SKIL: variants seen among roughly 807,000 people sequenced by gnomAD.
SKIL encodes SKI like proto-oncogene.
SKIL carries 20 observed loss-of-function variants against 69.6 expected under a neutral mutation model. That is an observed-to-expected ratio of 0.29 (90% confidence interval 0.20 to 0.42). SKIL has a LOEUF of 0.42. SKIL is among the 10% of genes least tolerant of loss of function. The pLI, the probability that SKIL is intolerant of heterozygous loss-of-function variation, is 1.00. For synonymous variants in SKIL, 310 were observed against 279.9 expected (o/e 1.11, Z -1.08); for missense variants, 745 against 783.1 (o/e 0.95, Z 0.58).
At chr3:170,380,327 C>CT (rs1737270091) in intron 2 of SKIL, among the ~76,000 whole-genome samples, 3 of 152,060 alleles carry the variant, frequency 2.0e-5, no homozygotes, top group Admixed American at 1.3e-4. Flanking sequence ...AGTGCTATAC[C>CT]TTTATAGAGT....
intron 4 of SKIL, among the ~76,000 whole-genome samples, chr3:170,386,426 G>T (rs976768801): frequency 6.6e-6 from 1 of 152,084 alleles, no homozygotes; most frequent in African/African-American, 2.4e-5. Flanking sequence ...CATCGCGCCC[G>T]GCCAGGGGTT....
intron 2 of SKIL, among the ~76,000 whole-genome samples, chr3:170,362,283 A>G (rs990619145): frequency 6.6e-6 from 1 of 152,202 alleles, no homozygotes; most frequent in African/African-American, 2.4e-5. Flanking sequence ...TAGGTGGATC[A>G]CCTGAGGTCA....
chr3:170,377,428 A>G (rs1737085966), intron 2 of SKIL, among the ~76,000 whole-genome samples: 1 of 144,740 alleles, frequency 6.9e-6, no homozygotes, highest in Non-Finnish European at 1.5e-5. Context: ...CCACATTTAC[A>G]TATCATGTAG....
rs762154128 is a variant in SKIL at position 170,367,342 on chromosome 3, C to T, written c.1098+5913C>T. 5.6e-4 allele frequency among the ~76,000 whole-genome samples: 85 copies of T among 152,208 alleles called. 1 individual carries two copies. Among genetic ancestry groups the T allele is most frequent in the African/African-American group, 1.5e-3 (61 of 41,514 alleles). Reference sequence around the variant, plus strand: ...AGCCAGGATGGTCTCGATCTCCTGACGTCGTCATCCTCCCAAAGTGCTAGG... The same window carrying T: ...AGCCAGGATGGTCTCGATCTCCTGATGTCGTCATCCTCCCAAAGTGCTAGG... On this transcript the variant is annotated intron_variant, in intron 2 of 6. Transcript: ENST00000259119.
At position 170,392,442 on chromosome 3, in the gene SKIL, G is replaced by T. The variant is rs1236244923; in HGVS notation, c.*25G>T. On this transcript the variant is annotated 3_prime_UTR_variant, in exon 7 of 7. Coordinates refer to ENST00000259119, the MANE Select transcript of SKIL (RefSeq NM_005414.5). ...GAAACTGTTAAAGAGATTCATCTGT[G>T]TATTACTGACAAGGTTTTTTTTGTT... 1 of 1,495,866 alleles carries T rather than the reference G, an allele frequency of 6.7e-7. No homozygotes were observed. The highest frequency in any genetic ancestry group is 1.4e-5 in the African/African-American group (1 of 70,904). The allele number at this position is 1,495,866 out of a possible 1,614,324, so 92.7% of individuals were successfully genotyped here. A position where few individuals can be genotyped will look rare whatever the true frequency, so the allele number is the denominator to read the frequency against.
At chr3:170,366,213 G>A (rs933052010) in intron 2 of SKIL, among the ~76,000 whole-genome samples, 4 of 151,792 alleles carry the variant, frequency 2.6e-5, no homozygotes, top group African/African-American at 4.8e-5. Flanking sequence ...AACTCAGTAA[G>A]TTGTTCGAAA....
At chr3:170,372,389 C>T (rs964749534) in intron 2 of SKIL, among the ~76,000 whole-genome samples, 2 of 152,174 alleles carry the variant, frequency 1.3e-5, no homozygotes, top group East Asian at 1.9e-4. Context: ...TGCTGTGACT[C>T]CTGACGATCT....
At chr3:170,386,350 G>A (rs2108220691) in intron 4 of SKIL, among the ~76,000 whole-genome samples, 1 of 151,602 alleles carries the variant, frequency 6.6e-6, no homozygotes, top group East Asian at 1.9e-4. Flanking sequence ...GTCTGGTCTC[G>A]AACTCCTGAC....
At chr3:170,378,553 C>CTCTTTTTTTTT (rs1553853891) in intron 2 of SKIL, among the ~76,000 whole-genome samples, 1 of 118,996 alleles carries the variant, frequency 8.4e-6, no homozygotes, top group Non-Finnish European at 1.7e-5. Flanking sequence ...CTCTCTCTCT[C>CTCTTTTTTTTT]TTTTTTTTTT....
At chr3:170,358,493 G>A (rs1214470433) in intron 1 of SKIL, 1 of 152,792 alleles carries the variant, frequency 6.5e-6, no homozygotes, top group Non-Finnish European at 1.5e-5. Flanking sequence ...TGAGTGGGCG[G>A]AGGACTTCAG....
chr3:170,387,933 CAAAAAAAAAAA>C (rs541166783), intron 4 of SKIL, among the ~76,000 whole-genome samples: 8 of 51,088 alleles, frequency 1.6e-4, no homozygotes, highest in African/African-American at 5.6e-4. Flanking sequence ...GACTCCGTCT[CAAAAAAAAAAA>C]AAAAAAAAAA....
intron 2 of SKIL, among the ~76,000 whole-genome samples, chr3:170,366,614 A>G (rs867181961): frequency 1.3e-5 from 2 of 152,030 alleles, no homozygotes; most frequent in Non-Finnish European, 2.9e-5. Flanking sequence ...TGGAGGTTTC[A>G]GTGAGCCGAG....
At position 170,392,569 on chromosome 3, in the gene SKIL, T is replaced by G. The variant is rs1737979479; in HGVS notation, c.*152T>G. 4.5e-6 allele frequency: 2 copies of G among 445,450 alleles called. No individual in the cohort carries two copies. Among genetic ancestry groups the G allele is most frequent in the Non-Finnish European group, 8.1e-6 (2 of 248,410 alleles). The allele number at this position is 445,450 out of a possible 1,614,324, so 27.6% of individuals were successfully genotyped here. A position where few individuals can be genotyped will look rare whatever the true frequency, so the allele number is the denominator to read the frequency against. ...TCAGAGAAAGTGAAGAGATTATATA[T>G]TAGTACTTAAATTTTTACATTTTCC... is the stretch of plus-strand genomic sequence containing the variant. On this transcript the variant is annotated 3_prime_UTR_variant, in exon 7 of 7. Coordinates refer to ENST00000259119, the MANE Select transcript of SKIL (RefSeq NM_005414.5).
intron 2 of SKIL, among the ~76,000 whole-genome samples, chr3:170,378,877 ATTTATTTT>A (rs1275715750): frequency 1.4e-5 from 2 of 141,038 alleles, no homozygotes; most frequent in African/African-American, 5.8e-5. Flanking sequence ...TTATTTATTT[ATTTATTTT>A]TTTTATCTTG....
At chr3:170,376,269 A>T (rs1002084777) in intron 2 of SKIL, among the ~76,000 whole-genome samples, 3 of 150,702 alleles carry the variant, frequency 2.0e-5, no homozygotes, top group African/African-American at 7.3e-5. Context: ...CTGGTTTCGA[A>T]CTCCGGACCT....
At chr3:170,387,430 C>T (rs966956151) in intron 4 of SKIL, among the ~76,000 whole-genome samples, 3 of 152,078 alleles carry the variant, frequency 2.0e-5, no homozygotes, top group Non-Finnish European at 4.4e-5. Context: ...AGGAATTGTA[C>T]AATATGTGGC....
intron 2 of SKIL, among the ~76,000 whole-genome samples, chr3:170,379,074 G>C (rs980474892): frequency 6.7e-6 from 1 of 149,278 alleles, no homozygotes; most frequent in Admixed American, 6.7e-5. Context: ...ACTGGGTTTC[G>C]CTGTGTTGGC....
At chr3:170,363,607 T>C in intron 2 of SKIL, among the ~76,000 whole-genome samples, 1 of 152,104 alleles carries the variant, frequency 6.6e-6, no homozygotes, top group Non-Finnish European at 1.5e-5. Context: ...TGCCTCAGCC[T>C]CCTGAGTCAC....
chr3:170,384,336 A>G (rs1737509313), intron 3 of SKIL, among the ~76,000 whole-genome samples, 197 bp from the exon 4 acceptor site: 1 of 152,048 alleles, frequency 6.6e-6, no homozygotes, highest in African/African-American at 2.4e-5. Context: ...AATCCCTTAT[A>G]ATTTTGTTTG....
Sources: allele counts gnomAD v4.1 joint callset (sites outside exome capture counted in the v4.1 genomes callset), GRCh38; gene constraint gnomAD v4.1.1; transcripts MANE v1.5; gene names NCBI Gene and HGNC (gene_info 2026-07-23, HGNC 2026-07-21).